Variants in USP25 observed in about 807,000 individuals in gnomAD.
USP25 encodes the protein ubiquitin specific peptidase 25.
Under a neutral mutation model 158.5 loss-of-function variants are expected in USP25, and 85 were observed. The ratio of observed to expected loss-of-function variants is 0.54; its 90% CI spans 0.45 to 0.64. The LOEUF is 0.64. Ranked by LOEUF, USP25 falls within the 30% of genes least tolerant of loss-of-function variation. The pLI is 0.00. For missense variants in USP25, 1,242 were observed against 1,327.3 expected, an observed-to-expected ratio of 0.94 and a Z score of 1.00; for synonymous variants, 464 against 460.4, an observed-to-expected ratio of 1.01 and a Z score of -0.10.
intron 19 of USP25, among the ~76,000 whole-genome samples, chr21:15,848,851 T>G (rs2038753486): frequency 6.6e-6 from 1 of 152,134 alleles, no homozygotes; most frequent in African/African-American, 2.4e-5. Context: ...GTAAATACAA[T>G]GAGTAATAGG....
intron 1 of USP25, among the ~76,000 whole-genome samples, chr21:15,761,261 G>C (rs2033707527): frequency 6.6e-6 from 1 of 152,138 alleles, no homozygotes; most frequent in African/African-American, 2.4e-5. Context: ...TGACTGTCAG[G>C]GTTTACACTG....
chr21:15,757,074 C>T (rs1322135092), intron 1 of USP25, among the ~76,000 whole-genome samples: 4 of 152,114 alleles, frequency 2.6e-5, no homozygotes, highest in Non-Finnish European at 5.9e-5. Flanking sequence ...CCTTGAAAAA[C>T]AGACTAGGGT....
chr21:15,803,694 A>C (rs550275829), intron 6 of USP25, among the ~76,000 whole-genome samples: 1 of 152,036 alleles, frequency 6.6e-6, no homozygotes, highest in African/African-American at 2.4e-5. Flanking sequence ...GCATTGACTT[A>C]GGTGCGGTGA....
At position 15,826,456 on chromosome 21, in the gene USP25, A is replaced by G; in HGVS notation, c.1466+91A>G. On this transcript the variant is annotated intron_variant, in intron 13 of 25. Coordinates refer to ENST00000400183, the MANE Select transcript of USP25 (RefSeq NM_001283041.3). This position sits in a 1 kb window ranked among gnomAD's most constrained non-coding sequence, Gnocchi z 4.8. ...TTTAAAGACAGTTTCTATAAAATGTATGCTTTGATTTACTTCAGTGAACTC... is the reference window on the plus strand; with the variant it reads ...TTTAAAGACAGTTTCTATAAAATGTGTGCTTTGATTTACTTCAGTGAACTC... 1.4e-6 allele frequency: 2 copies of G among 1,457,478 alleles called. No homozygotes were observed. The highest frequency in any genetic ancestry group is 1.3e-5 in the South Asian group (1 of 78,702). 90.3% of individuals were successfully genotyped at this position (1,457,478 alleles called of 1,614,324 possible).
At chr21:15,861,209 T>A (rs2039414868) in intron 20 of USP25, among the ~76,000 whole-genome samples, 1 of 151,994 alleles carries the variant, frequency 6.6e-6, no homozygotes, top group African/African-American at 2.4e-5. Context: ...TATGGAGAAC[T>A]TAAGAAACAA....
At chr21:15,782,341 C>A (rs1024005397) in intron 4 of USP25, among the ~76,000 whole-genome samples, 2 of 152,202 alleles carry the variant, frequency 1.3e-5, no homozygotes, top group Non-Finnish European at 2.9e-5. Flanking sequence ...GCTGCCGGGC[C>A]ACAATTTCCT....
chr21:15,854,831 T>A (rs1601139037), intron 20 of USP25, among the ~76,000 whole-genome samples: 2 of 152,094 alleles, frequency 1.3e-5, no homozygotes, highest in African/African-American at 4.8e-5. Context: ...TAGGCAAAGT[T>A]GATCTGGAAA....
intron 17 of USP25, among the ~76,000 whole-genome samples, chr21:15,836,292 A>G (rs2038061153): frequency 6.6e-6 from 1 of 152,222 alleles, no homozygotes; most frequent in Non-Finnish European, 1.5e-5. Flanking sequence ...ATATTATATT[A>G]ATCAAATTAG....
Position 15,847,722 on chromosome 21 carries a change from C to A in USP25, c.2397C>A (p.Ile799=). The change falls in exon 19 of 26, where the codon ATC becomes ATA. Residue 799 remains isoleucine, a synonymous_variant. Coordinates refer to ENST00000400183, the MANE Select transcript of USP25 (RefSeq NM_001283041.3). The part of the protein sequence containing the change: ...LSNQRVVEVA[I]PHVGKFMIES... ...ATCAGCGAGTTGTAGAGGTGGCGAT[C>A]CCTCATGTAGGGAAATTTATGATTG... 6.5e-7 allele frequency: 1 copy of A among 1,550,118 alleles called. No individual in the cohort carries two copies. Among genetic ancestry groups the A allele is most frequent in the Non-Finnish European group, 8.7e-7 (1 of 1,146,644 alleles).
rs114008338 is a variant in USP25 at position 15,802,572 on chromosome 21, G to A, written c.643-2549G>A. Among the ~76,000 whole-genome samples, 1,011 of 151,612 alleles carry A rather than the reference G, an allele frequency of 6.7e-3. 11 individuals carry two copies. The highest frequency in any genetic ancestry group is 0.023 in the African/African-American group (964 of 41,472). ...CAAGGGACAAAAAAACAAATCAAATGAGTAATGTCAGAATATTGTAAGCTG... is the reference window on the plus strand; with the variant it reads ...CAAGGGACAAAAAAACAAATCAAATAAGTAATGTCAGAATATTGTAAGCTG... On this transcript the variant is annotated intron_variant, in intron 6 of 25. Transcript: ENST00000400183.
intron 9 of USP25, among the ~76,000 whole-genome samples, chr21:15,817,669 T>C (rs1041702773): frequency 6.6e-6 from 1 of 152,102 alleles, no homozygotes; most frequent in Non-Finnish European, 1.5e-5. Context: ...CATGTCTCAC[T>C]TGGTGGCAGA....
At chr21:15,854,775 C>A (rs926652498) in intron 20 of USP25, among the ~76,000 whole-genome samples, 6 of 152,108 alleles carry the variant, frequency 3.9e-5, no homozygotes, top group African/African-American at 1.4e-4. Context: ...AGGCCATCAT[C>A]CCACGTGAAC....
chr21:15,785,863 A>T (rs1489005843), intron 4 of USP25, among the ~76,000 whole-genome samples: 1 of 151,600 alleles, frequency 6.6e-6, no homozygotes, highest in Non-Finnish European at 1.5e-5. Flanking sequence ...GATCAGTGAA[A>T]TTTTTTTGAG....
chr21:15,757,796 T>G (rs773897403), intron 1 of USP25, among the ~76,000 whole-genome samples: 1 of 152,188 alleles, frequency 6.6e-6, no homozygotes, highest in Non-Finnish European at 1.5e-5. Flanking sequence ...CAAAAGGAAA[T>G]ACATCATGTG....
Position 15,849,799 on chromosome 21 carries a change from A to G in USP25, c.2474A>G (p.Gln825Arg), listed in dbSNP as rs1400592056. 1 of 1,540,920 alleles carries G rather than the reference A, an allele frequency of 6.5e-7. No individual in the cohort carries two copies. Among genetic ancestry groups the G allele is most frequent in the South Asian group, 1.2e-5 (1 of 81,928 alleles). Residue 825 changes from glutamine to arginine, a missense_variant, in exon 20 of 26, where the codon CAA (glutamine) becomes CGA (arginine). Coordinates refer to ENST00000400183, the MANE Select transcript of USP25 (RefSeq NM_001283041.3). The part of the protein sequence containing the change: ...DDEIMMTPNM[Q>R]GIIMAIGKSR... ...CAGATCATGATGACACCGAACATGC[A>G]AGGTATTATCATGGCGATAGGTAAA... is the stretch of plus-strand genomic sequence containing the variant.
At chr21:15,827,761 T>C (rs1171441517) in intron 14 of USP25, among the ~76,000 whole-genome samples, 1 of 123,346 alleles carries the variant, frequency 8.1e-6, no homozygotes, top group Non-Finnish European at 1.6e-5. Flanking sequence ...CTTGTGTGCG[T>C]GTGCGTGTGT....
intron 16 of USP25, 92 bp downstream of exon 16, chr21:15,831,721 G>A (rs908433190): frequency 1.9e-6 from 2 of 1,034,356 alleles, no homozygotes; most frequent in Non-Finnish European, 2.9e-6. Context: ...TCACTCAGAC[G>A]ATGAAGGATG....
At chr21:15,771,316 T>C (rs894749507) in intron 3 of USP25, among the ~76,000 whole-genome samples, 1 of 145,874 alleles carries the variant, frequency 6.9e-6, no homozygotes, top group African/African-American at 2.6e-5. Context: ...GAGCTCATAT[T>C]TGAGGAACAG....
At chr21:15,830,462 C>A in intron 14 of USP25, 69 bp from the exon 15 acceptor site, 1 of 1,362,240 alleles carries the variant, frequency 7.3e-7, no homozygotes, top group South Asian at 1.4e-5. Context: ...GTAGGAAAAA[C>A]ATTAGTCCTT....
Sources: gnomAD v4.1 joint callset for allele counts (sites outside exome capture counted in the v4.1 genomes callset) on GRCh38, gnomAD v4.1.1 for gene constraint, Gnocchi (gnomAD v3.1) non-coding constraint, MANE v1.5 for transcripts, NCBI Gene and HGNC (gene_info 2026-07-23, HGNC 2026-07-21) for gene names.